Variants in STK32C observed in about 807,000 individuals in gnomAD.
The protein encoded by STK32C is serine/threonine-protein kinase 32C.
In STK32C, 31 loss-of-function variants were observed where a neutral mutation model predicts 56.5. The ratio of observed to expected loss-of-function variants is 0.55; its 90% CI spans 0.41 to 0.74. STK32C has a LOEUF of 0.74. Among genes scored for constraint, STK32C ranks in the 30% least tolerant of loss-of-function variants. The pLI is 0.00. For synonymous variants in STK32C, 309 were observed against 289.4 expected (o/e 1.07, Z -0.69); for missense variants, 544 against 676.9 (o/e 0.80, Z 2.18).
Position 132,225,177 on chromosome 10 carries a change from G to T in STK32C, c.876+56C>A, listed in dbSNP as rs144245898. The T allele has an allele frequency of 4.2e-6, 6 of 1,431,406 alleles. No individual in the cohort carries two copies. The East Asian group carries it at 1.2e-4, about 29-fold the overall frequency. The allele number at this position is 1,431,406 out of a possible 1,614,324, so 88.7% of individuals were successfully genotyped here. A position where few individuals can be genotyped will look rare whatever the true frequency, so the allele number is the denominator to read the frequency against. ...CAGCCACCCCCTCCCCAGCACTGGT[G>T]GGGGCAGAGAGCAGGGGCCTGGCAG... On this transcript the variant is annotated intron_variant, in intron 7 of 11. Transcript: ENST00000298630.
intron 1 of STK32C, among the ~76,000 whole-genome samples, chr10:132,277,671 C>G (rs535386330): frequency 6.6e-6 from 1 of 152,226 alleles, no homozygotes; most frequent in African/African-American, 2.4e-5. Flanking sequence ...CCCAGGCCTG[C>G]AGGGGACTTT....
chr10:132,248,111 C>T (rs1347434546), intron 1 of STK32C, among the ~76,000 whole-genome samples: 2 of 152,206 alleles, frequency 1.3e-5, no homozygotes, highest in Admixed American at 6.5e-5. Flanking sequence ...GAGGCAGAGG[C>T]TGCTCCAGCA....
intron 2 of STK32C, among the ~76,000 whole-genome samples, chr10:132,244,255 G>A (rs769722455): frequency 8.1e-4 from 123 of 152,150 alleles, no homozygotes; most frequent in Non-Finnish European, 1.1e-3. Context: ...CGACTACCCC[G>A]CATCTGAACA....
At chr10:132,249,672 C>G (rs2063828860) in intron 1 of STK32C, among the ~76,000 whole-genome samples, 1 of 152,188 alleles carries the variant, frequency 6.6e-6, no homozygotes, top group Non-Finnish European at 1.5e-5. Flanking sequence ...TCCTGCTGCC[C>G]CCAGGTGCCC....
intron 2 of STK32C, among the ~76,000 whole-genome samples, chr10:132,241,458 A>C (rs1428113112): frequency 6.6e-6 from 1 of 152,258 alleles, no homozygotes. Flanking sequence ...ACGGAACAAA[A>C]TGTGAAGAAT....
At chr10:132,299,440 C>T (rs977751428) in intron 1 of STK32C, among the ~76,000 whole-genome samples, 2 of 151,782 alleles carry the variant, frequency 1.3e-5, no homozygotes, top group African/African-American at 4.9e-5. Flanking sequence ...CACCAGCCAA[C>T]AGCGAACTGA....
At chr10:132,294,923 C>T (rs550269928) in intron 1 of STK32C, among the ~76,000 whole-genome samples, 94 of 152,252 alleles carry the variant, frequency 6.2e-4, no homozygotes, top group South Asian at 5.8e-3. Flanking sequence ...GTGTATGACA[C>T]GGGTAAATCA....
At chr10:132,264,293 T>C (rs754093899) in intron 1 of STK32C, among the ~76,000 whole-genome samples, 62 of 152,220 alleles carry the variant, frequency 4.1e-4, no homozygotes, top group Non-Finnish European at 1.5e-4. Flanking sequence ...CCACAATCAG[T>C]TGGCTGTAGG....
chr10:132,320,871 T>C (rs1025357971), downstream of STK32C, among the ~76,000 whole-genome samples: 4 of 152,230 alleles, frequency 2.6e-5, no homozygotes, highest in African/African-American at 9.6e-5. Flanking sequence ...CCTACAGTCC[T>C]GGCGCATCTG....
At chr10:132,309,065 C>T (rs1429451737), upstream of STK32C, among the ~76,000 whole-genome samples, 2 of 152,334 alleles carry the variant, frequency 1.3e-5, no homozygotes, top group Admixed American at 1.3e-4. Context: ...TGCTGCCCGC[C>T]CGGACGATGA....
chr10:132,291,437 C>T (rs1313643861), intron 1 of STK32C, among the ~76,000 whole-genome samples: 1 of 152,118 alleles, frequency 6.6e-6, no homozygotes, highest in Admixed American at 6.5e-5. Flanking sequence ...CTCCTCGTGG[C>T]CTTGGAAGAA....
intron 2 of STK32C, among the ~76,000 whole-genome samples, chr10:132,240,895 G>C (rs547705638): frequency 3.3e-5 from 5 of 151,722 alleles, no homozygotes; most frequent in Non-Finnish European, 7.4e-5. Context: ...AGGGGCTCTC[G>C]AACCCCCAAA....
intron 2 of STK32C, among the ~76,000 whole-genome samples, chr10:132,240,078 C>CCA (rs1268096371): frequency 6.6e-6 from 1 of 152,076 alleles, no homozygotes; most frequent in African/African-American, 2.4e-5. Flanking sequence ...GAGGCCCCCC[C>CCA]CAAAGAAGAC....
At chr10:132,282,862 A>G (rs1211734234) in intron 1 of STK32C, among the ~76,000 whole-genome samples, 5 of 152,256 alleles carry the variant, frequency 3.3e-5, no homozygotes, top group African/African-American at 1.2e-4. Context: ...TCTCTGGAGA[A>G]AACACAGCAC....
At chr10:132,254,470 A>G (rs2064032783) in intron 1 of STK32C, among the ~76,000 whole-genome samples, 1 of 151,036 alleles carries the variant, frequency 6.6e-6, no homozygotes, top group Non-Finnish European at 1.5e-5. Context: ...CCCCGGCACA[A>G]TGCGTGCACC....
At chr10:132,256,670 A>G (rs536618108) in intron 1 of STK32C, among the ~76,000 whole-genome samples, 23 of 152,138 alleles carry the variant, frequency 1.5e-4, no homozygotes, top group African/African-American at 5.1e-4. Context: ...GAGGGGTCCT[A>G]CTGTCCAAGG....
chr10:132,247,067 C>A (rs1490312846), intron 1 of STK32C, among the ~76,000 whole-genome samples: 1 of 152,234 alleles, frequency 6.6e-6, no homozygotes, highest in East Asian at 1.9e-4. Flanking sequence ...CAACCCCCTA[C>A]ACACATGGTT....
rs530323558 is a variant in STK32C, at chr10:132,242,748, C to T, written c.318+3152G>A. 2.9e-3 allele frequency among the ~76,000 whole-genome samples: 440 copies of T among 152,324 alleles called. 1 individual carries two copies. The highest frequency in any genetic ancestry group is 5.7e-3 in the Admixed American group (87 of 15,294). ...TTTTTCCCCCACGATGCCCTGCACA[C>T]GTAACACTAATAATAAATTCGTATG... is the stretch of plus-strand genomic sequence containing the variant. On this transcript the variant is annotated intron_variant, in intron 2 of 11. Coordinates refer to ENST00000298630, the MANE Select transcript of STK32C (RefSeq NM_173575.4).
rs995413594 is a variant in STK32C at position 132,255,056 on chromosome 10, T to C, written c.263-9101A>G. 4.6e-5 allele frequency among the ~76,000 whole-genome samples: 7 copies of C among 152,032 alleles called. No individual in the cohort carries two copies. Among genetic ancestry groups the C allele is most frequent in the South Asian group, 2.1e-4 (1 of 4,808 alleles). On this transcript the variant is annotated intron_variant, in intron 1 of 11. Transcript: ENST00000298630. This position sits in a 1 kb window ranked among gnomAD's most constrained non-coding sequence, Gnocchi z 4.6. ...ACCAGCCCGTTCACCAATGGGAGGA[T>C]TGCACAGCAGAAGTGGGCACTACTG...
Sources: allele counts gnomAD v4.1 joint callset (sites outside exome capture counted in the v4.1 genomes callset), GRCh38; gene constraint gnomAD v4.1.1; non-coding constraint Gnocchi (gnomAD v3.1); transcripts MANE v1.5; gene names NCBI Gene and HGNC (gene_info 2026-07-23, HGNC 2026-07-21).